The following PLSCR2 variants were observed in gnomAD, a reference collection of about 807,000 sequenced individuals.
The protein encoded by PLSCR2 is PL scramblase 2.
A neutral mutation model predicts 25.3 loss-of-function variants in PLSCR2; 18 were observed. That is an observed-to-expected ratio of 0.71 (90% CI 0.49 to 1.06). The LOEUF (loss-of-function observed/expected upper bound fraction) is 1.06. Among genes scored for constraint, PLSCR2 ranks in the 50% least tolerant of loss-of-function variants. The probability of loss-of-function intolerance (pLI) is 0.00; values close to 1 mark genes in which losing one functional copy is unlikely to be tolerated. For missense variants in PLSCR2, 243 were observed against 269.5 expected, an observed-to-expected ratio of 0.90 and a Z score of 0.69; for synonymous variants, 88 against 87.3, an observed-to-expected ratio of 1.01 and a Z score of -0.04.
upstream of PLSCR2, chr3:146,461,714 AG>A: frequency 1.6e-6 from 1 of 608,948 alleles, no homozygotes; most frequent in Non-Finnish European, 2.9e-6. Context: ...TTCGTGAGAG[AG>A]GAGAGTCATA....
At chr3:146,409,315 G>A (rs1248749345) in intron 2 of PLSCR2, among the ~76,000 whole-genome samples, 1 of 152,082 alleles carries the variant, frequency 6.6e-6, no homozygotes, top group Non-Finnish European at 1.5e-5. Context: ...AAGGGAACAG[G>A]CTGGTTGTAA....
downstream of PLSCR2, among the ~76,000 whole-genome samples, chr3:146,430,076 A>C (rs1463379745): frequency 6.6e-6 from 1 of 152,208 alleles, no homozygotes; most frequent in African/African-American, 2.4e-5. Flanking sequence ...AGGGAGGCAA[A>C]GTATAAAAAT....
chr3:146,470,681 GAC>G (rs1306725492), intron 1 of PLSCR2, among the ~76,000 whole-genome samples: 1 of 152,134 alleles, frequency 6.6e-6, no homozygotes, highest in Non-Finnish European at 1.5e-5. Context: ...AACATTTGAA[GAC>G]ACACTAAGAG....
At chr3:146,460,726 AAAT>A (rs1192226671), upstream of PLSCR2, among the ~76,000 whole-genome samples, 1 of 150,132 alleles carries the variant, frequency 6.7e-6, no homozygotes, top group East Asian at 1.9e-4. Flanking sequence ...TCCTGAAAAC[AAAT>A]AATTATCCAC....
chr3:146,495,577 C>G (rs115345019), intron 1 of PLSCR2, among the ~76,000 whole-genome samples: 1 of 152,108 alleles, frequency 6.6e-6, no homozygotes, highest in Admixed American at 6.5e-5. Context: ...GACCCCTCCC[C>G]GCTTCTGCCC....
At chr3:146,451,904 A>AT (rs34225568) in intron 5 of PLSCR2, among the ~76,000 whole-genome samples, 89,592 of 152,028 alleles carry the variant, frequency 0.59, 26,674 homozygotes, top group South Asian at 0.76. Context: ...TCCAGAATTC[A>AT]TCTACTAACC....
chr3:146,399,769 T>C (rs2038397286), intron 2 of PLSCR2, among the ~76,000 whole-genome samples: 1 of 111,074 alleles, frequency 9.0e-6, no homozygotes, highest in Non-Finnish European at 2.0e-5. Context: ...GCTTTCTTGC[T>C]TGCTTTCTTC....
At chr3:146,435,770 A>G (rs1327339330) in intron 8 of PLSCR2, among the ~76,000 whole-genome samples, 1 of 152,062 alleles carries the variant, frequency 6.6e-6, no homozygotes, top group Non-Finnish European at 1.5e-5. Flanking sequence ...GAAGCTCTTT[A>G]GTTTAATTAG....
upstream of PLSCR2, among the ~76,000 whole-genome samples, chr3:146,463,213 T>G (rs1225944008): frequency 6.6e-6 from 1 of 152,026 alleles, no homozygotes; most frequent in Non-Finnish European, 1.5e-5. Flanking sequence ...TGAGACGGAG[T>G]CTCGCTCTGT....
chr3:146,415,502 T>A (rs2038981173), intron 2 of PLSCR2, among the ~76,000 whole-genome samples: 1 of 152,122 alleles, frequency 6.6e-6, no homozygotes, highest in Admixed American at 6.5e-5. Flanking sequence ...ATATCTATAC[T>A]ATCATTTGAA....
chr3:146,471,611 G>A (rs1456291343), intron 1 of PLSCR2, among the ~76,000 whole-genome samples: 2 of 145,116 alleles, frequency 1.4e-5, no homozygotes, highest in African/African-American at 5.1e-5. Flanking sequence ...CTGTTGCCCC[G>A]ACTGGAGTGC....
Position 146,482,760 on chromosome 3 carries a change from A to G in PLSCR2, c.-293+13135T>C, listed in dbSNP as rs149809976. On this transcript the variant is annotated intron_variant, in intron 1 of 8. Transcript: ENST00000336685. Reference sequence around the variant, plus strand: ...CAAAGATTATAAATCAGGCTGCTATAAAGACACATGAACACGTATATTTAT... The same window carrying G: ...CAAAGATTATAAATCAGGCTGCTATGAAGACACATGAACACGTATATTTAT... Among the ~76,000 whole-genome samples, 1,062 of 152,334 alleles carry G rather than the reference A, an allele frequency of 7.0e-3. 6 individuals carry two copies. Among genetic ancestry groups the G allele is most frequent in the Non-Finnish European group, 0.011 (727 of 68,030 alleles).
At chr3:146,402,885 A>C (rs2038526392) in intron 2 of PLSCR2, among the ~76,000 whole-genome samples, 1 of 152,272 alleles carries the variant, frequency 6.6e-6, no homozygotes, top group East Asian at 1.9e-4. Flanking sequence ...AACACATATA[A>C]AATGTACACA....
chr3:146,450,602 C>A (rs145853947), intron 5 of PLSCR2, among the ~76,000 whole-genome samples: 1 of 152,158 alleles, frequency 6.6e-6, no homozygotes, highest in Non-Finnish European at 1.5e-5. Flanking sequence ...GACTCTTGGT[C>A]TCAGGTAAAT....
In PLSCR2 at chr3:146,397,329, A is replaced by C. The variant is rs144480315; in HGVS notation, c.101-1408T>G. ...TTTTGCATTAATTTTAATTTTTTTA[A>C]AAAACAATGCAACACATTCAGGTAT... On this transcript the variant is annotated intron_variant and NMD_transcript_variant, in intron 2 of 3. Transcript: ENST00000463633. 7.9e-5 allele frequency among the ~76,000 whole-genome samples: 12 copies of C among 152,196 alleles called. No homozygotes were observed. The East Asian group carries it at 2.1e-3, about 27-fold the overall frequency.
At chr3:146,449,295 A>G in exon 6 of PLSCR2, 3 of 1,612,058 alleles carry the variant, frequency 1.9e-6, no homozygotes, top group Non-Finnish European at 1.7e-6. Flanking sequence ...GCATCAGTAA[A>G]TGCCTCTCTT....
intron 2 of PLSCR2, among the ~76,000 whole-genome samples, chr3:146,404,825 G>T (rs1332026943): frequency 6.6e-6 from 1 of 150,452 alleles, no homozygotes; most frequent in Admixed American, 6.6e-5. Flanking sequence ...AAAAAAAGGG[G>T]GGGGGTGGTG....
At chr3:146,478,063 C>T (rs2042985360) in intron 1 of PLSCR2, among the ~76,000 whole-genome samples, 2 of 151,748 alleles carry the variant, frequency 1.3e-5, no homozygotes, top group African/African-American at 4.8e-5. Context: ...ATAGCATCAA[C>T]ATCAACAAAA....
intron 2 of PLSCR2, among the ~76,000 whole-genome samples, chr3:146,411,872 T>C (rs2038865457): frequency 6.6e-6 from 1 of 152,188 alleles, no homozygotes; most frequent in Non-Finnish European, 1.5e-5. Flanking sequence ...TATTACAAGG[T>C]GATAGACTCA....
Sources: gnomAD v4.1 joint callset for allele counts (sites outside exome capture counted in the v4.1 genomes callset) on GRCh38, gnomAD v4.1.1 for gene constraint, MANE v1.5 for transcripts, NCBI Gene and HGNC (gene_info 2026-07-23, HGNC 2026-07-21) for gene names.